RPTOR: variants seen among roughly 807,000 people sequenced by gnomAD.
RPTOR encodes the protein regulatory-associated protein of mTOR.
Under a neutral mutation model 169.9 loss-of-function variants are expected in RPTOR, and 21 were observed. The observed-to-expected ratio is 0.12, with a 90% CI of 0.09 to 0.18. The LOEUF (loss-of-function observed/expected upper bound fraction) is 0.18. Among genes scored for constraint, RPTOR ranks in the 10% least tolerant of loss-of-function variants. The pLI is 1.00. For missense variants in RPTOR, 1,133 were observed against 1,855.9 expected, an observed-to-expected ratio of 0.61 and a Z score of 7.16; for synonymous variants, 732 against 753.2, an observed-to-expected ratio of 0.97 and a Z score of 0.46.
At chr17:80,889,218 G>A (rs1474549035) in intron 17 of RPTOR, among the ~76,000 whole-genome samples, 1 of 152,222 alleles carries the variant, frequency 6.6e-6, no homozygotes, top group African/African-American at 2.4e-5. Context: ...TGGGGGTTTG[G>A]GTCTGAGCAA....
intron 12 of RPTOR, 87 bp from the exon 13 acceptor site, chr17:80,857,703 C>T (rs2143752989): frequency 1.2e-6 from 1 of 809,744 alleles, no homozygotes; most frequent in South Asian, 1.5e-5. Context: ...CTGAAGATAG[C>T]ACCGCAGCTG....
chr17:80,883,284 G>A, intron 14 of RPTOR, 135 bp from the exon 15 acceptor site: 1 of 766,746 alleles, frequency 1.3e-6, no homozygotes, highest in South Asian at 1.6e-5. Flanking sequence ...TAAAATCCAG[G>A]AGTAAAGCTG....
intron 1 of RPTOR, among the ~76,000 whole-genome samples, chr17:80,561,003 T>A (rs2084479952): frequency 6.6e-6 from 1 of 152,134 alleles, no homozygotes; most frequent in African/African-American, 2.4e-5. Flanking sequence ...CACAGGAATT[T>A]GGATTTTATC....
At chr17:80,691,483 T>C (rs1378814199) in intron 3 of RPTOR, among the ~76,000 whole-genome samples, 1 of 151,836 alleles carries the variant, frequency 6.6e-6, no homozygotes, top group African/African-American at 2.4e-5. Flanking sequence ...TGCGCATAGG[T>C]GTGTGTGGTG....
chr17:80,780,742 G>A (rs2066933620), intron 6 of RPTOR, among the ~76,000 whole-genome samples: 1 of 152,168 alleles, frequency 6.6e-6, no homozygotes, highest in Non-Finnish European at 1.5e-5. Context: ...GTGGCAGGGT[G>A]GATCCTGCAG....
At chr17:80,885,695 C>T (rs574337824) in intron 17 of RPTOR, among the ~76,000 whole-genome samples, 1 of 152,258 alleles carries the variant, frequency 6.6e-6, no homozygotes, top group East Asian at 1.9e-4. Flanking sequence ...GTGCCCGCCA[C>T]CACACTCGGC....
intron 1 of RPTOR, among the ~76,000 whole-genome samples, chr17:80,610,941 T>C (rs1305264327): frequency 6.6e-6 from 1 of 152,206 alleles, no homozygotes. Context: ...ATATGTGCAG[T>C]CTGTTTAATA....
chr17:80,785,525 C>T (rs1251300850), intron 6 of RPTOR, among the ~76,000 whole-genome samples: 2 of 152,094 alleles, frequency 1.3e-5, no homozygotes, highest in East Asian at 3.9e-4. Context: ...GGCAGGTTCC[C>T]GACTGGTGAG....
At chr17:80,866,081 A>G (rs2067986762) in intron 13 of RPTOR, among the ~76,000 whole-genome samples, 1 of 151,378 alleles carries the variant, frequency 6.6e-6, no homozygotes, top group South Asian at 2.1e-4. Context: ...GCTTAATGCA[A>G]AATAGAATAT....
intron 5 of RPTOR, among the ~76,000 whole-genome samples, chr17:80,753,478 C>A (rs2066648936): frequency 6.6e-6 from 1 of 151,432 alleles, no homozygotes; most frequent in Non-Finnish European, 1.5e-5. Context: ...ACTAAAAATA[C>A]AAAAATTAGC....
intron 5 of RPTOR, chr17:80,743,456 A>C (rs1201408135): frequency 1.0e-6 from 1 of 985,386 alleles, no homozygotes; most frequent in East Asian, 1.1e-4. Context: ...TGACAGAGGC[A>C]GGAGAACACG....
chr17:80,574,062 C>A (rs570260464), intron 1 of RPTOR, among the ~76,000 whole-genome samples: 1 of 152,048 alleles, frequency 6.6e-6, no homozygotes, highest in Non-Finnish European at 1.5e-5. Flanking sequence ...CCTGGTAGAA[C>A]TTGCCCATAA....
At chr17:80,906,094 G>T (rs1442629761) in intron 20 of RPTOR, among the ~76,000 whole-genome samples, 1 of 152,150 alleles carries the variant, frequency 6.6e-6, no homozygotes, top group Non-Finnish European at 1.5e-5. Flanking sequence ...ACCCATGTTA[G>T]AGAGTGTCGT....
chr17:80,566,875 AAT>A (rs1434357079), intron 1 of RPTOR, among the ~76,000 whole-genome samples: 19 of 151,484 alleles, frequency 1.3e-4, no homozygotes, highest in African/African-American at 4.4e-4. Flanking sequence ...TCCTGTACTT[AAT>A]TTAAAAAACT....
At chr17:80,669,712 T>C (rs2065807654) in intron 3 of RPTOR, among the ~76,000 whole-genome samples, 1 of 152,248 alleles carries the variant, frequency 6.6e-6, no homozygotes. Flanking sequence ...CGCCTTGTTA[T>C]GTTTCTCCCC....
intron 1 of RPTOR, among the ~76,000 whole-genome samples, chr17:80,579,224 G>A (rs1429223183): frequency 6.6e-6 from 1 of 151,814 alleles, no homozygotes; most frequent in African/African-American, 2.4e-5. Context: ...ATGGAGTTTC[G>A]CTCTTGTTGC....
chr17:80,578,945 C>T (rs1436264197), intron 1 of RPTOR, among the ~76,000 whole-genome samples: 3 of 152,170 alleles, frequency 2.0e-5, no homozygotes, highest in Admixed American at 6.5e-5. Flanking sequence ...GGGTGCTGGA[C>T]AGGTTTGAAC....
At chr17:80,714,156 G>T (rs911864458) in intron 4 of RPTOR, among the ~76,000 whole-genome samples, 6 of 152,230 alleles carry the variant, frequency 3.9e-5, no homozygotes, top group Admixed American at 3.9e-4. Flanking sequence ...GACTGGGCTG[G>T]TCTTGAACTC....
Position 80,730,478 on chromosome 17 carries a change from C to G in RPTOR, c.508-82C>G. 1 of 1,482,740 alleles carries G rather than the reference C, an allele frequency of 6.7e-7. No homozygotes were observed. The highest frequency in any genetic ancestry group is 1.2e-5 in the South Asian group (1 of 84,092). 91.8% of individuals were successfully genotyped at this position (1,482,740 alleles called of 1,614,324 possible). A position where few individuals can be genotyped will look rare whatever the true frequency, so the allele number is the denominator to read the frequency against. On this transcript the variant is annotated intron_variant, in intron 4 of 33. Transcript: ENST00000306801. This position sits in a 1 kb window ranked among gnomAD's most constrained non-coding sequence, Gnocchi z 4.2. Reference sequence around the variant, plus strand: ...CCAGCCACCAGGCTCAATGTGTGTGCCTTTTGTAACGGTGCAGTACTCACC... The same window carrying G: ...CCAGCCACCAGGCTCAATGTGTGTGGCTTTTGTAACGGTGCAGTACTCACC...
Sources: allele counts gnomAD v4.1 joint callset (sites outside exome capture counted in the v4.1 genomes callset), GRCh38; gene constraint gnomAD v4.1.1; non-coding constraint Gnocchi (gnomAD v3.1); transcripts MANE v1.5; gene names NCBI Gene and HGNC (gene_info 2026-07-23, HGNC 2026-07-21).